The following MAPT variants were observed in gnomAD, a reference collection of about 807,000 sequenced individuals.
MAPT encodes microtubule-associated protein tau.
MAPT carries 34 observed loss-of-function variants against 67.9 expected under a neutral mutation model. The observed-to-expected ratio is 0.50, with a 90% CI of 0.38 to 0.67. The LOEUF is 0.67. Ranked by LOEUF, MAPT falls within the 30% of genes least tolerant of loss-of-function variation. MAPT has a pLI of 0.00. For synonymous variants in MAPT, 456 were observed against 464.5 expected, an observed-to-expected ratio of 0.98 and a Z score of 0.23; for missense variants, 881 against 1,115.2, an observed-to-expected ratio of 0.79 and a Z score of 2.99.
intron 9 of MAPT, among the ~76,000 whole-genome samples, chr17:46,004,172 C>CT (rs1165845593): frequency 6.6e-6 from 1 of 152,038 alleles, no homozygotes; most frequent in African/African-American, 2.4e-5. Context: ...CTGGGCCAGC[C>CT]TGGGAGCCAA....
At chr17:45,974,802 C>T in intron 3 of MAPT, 1 of 376,214 alleles carries the variant, frequency 2.7e-6, no homozygotes, top group Admixed American at 3.8e-5. Flanking sequence ...TTCTTGACAC[C>T]TGAGGTCAGT....
At chr17:45,908,299 A>G (rs1820192393) in intron 1 of MAPT, 1 of 152,236 alleles carries the variant, frequency 6.6e-6, no homozygotes, top group Admixed American at 6.5e-5. Context: ...GGAGGGGTCC[A>G]TGTGGCTAGA....
chr17:45,942,317 C>T lies in MAPT; in HGVS notation c.-17-20004C>T, dbSNP rs559934835. On this transcript the variant is annotated intron_variant, in intron 1 of 12. Coordinates refer to ENST00000262410, the MANE Select transcript of MAPT (RefSeq NM_001377265.1). ...TCTCTAGAGTGTACGTTTCTTCTTC[C>T]TTACAAAGCAGTTGGCTTCGCCCAG... 2.0e-5 allele frequency among the ~76,000 whole-genome samples: 3 copies of T among 152,200 alleles called. No individual in the cohort carries two copies. In the South Asian group the frequency reaches 6.2e-4, roughly 32 times the overall value.
intron 5 of MAPT, among the ~76,000 whole-genome samples, chr17:45,984,171 T>C (rs2073305975): frequency 6.6e-6 from 1 of 152,182 alleles, no homozygotes; most frequent in African/African-American, 2.4e-5. Flanking sequence ...GCACCCCCGC[T>C]CCGTGCTACC....
rs1165957191 is a variant in MAPT at position 46,010,139 on chromosome 17, C to T, written c.1999-171C>T. Among the ~76,000 whole-genome samples the T allele has an allele frequency of 1.3e-5, 2 of 152,196 alleles. No individual in the cohort carries two copies. Among genetic ancestry groups the T allele is most frequent in the African/African-American group, 2.4e-5 (1 of 41,456 alleles). ...GCTCCCCTGGGATGTGACTCAACCT[C>T]CCGTCACTCCCCAGACTGCCTCTGC... On this transcript the variant is annotated intron_variant, in intron 9 of 12. Transcript: ENST00000262410. This position sits in a 1 kb window ranked among gnomAD's most constrained non-coding sequence, Gnocchi z 4.7.
chr17:45,969,543 GTTCATCCATCCATCCA>G (rs895831490), intron 2 of MAPT, among the ~76,000 whole-genome samples: 2 of 145,948 alleles, frequency 1.4e-5, no homozygotes, highest in Non-Finnish European at 1.5e-5. Context: ...TCTTCCCTCG[GTTCATCCATCCATCCA>G]TTCATCCATC....
chr17:45,934,165 C>T (rs544582201), intron 1 of MAPT, among the ~76,000 whole-genome samples: 2 of 152,120 alleles, frequency 1.3e-5, no homozygotes, highest in Non-Finnish European at 2.9e-5. Context: ...AGTTCAAGAC[C>T]TCGTCTGTAC....
intron 2 of MAPT, among the ~76,000 whole-genome samples, chr17:45,964,405 C>T (rs2664006): frequency 0.34 from 49,463 of 143,692 alleles, 9,891 homozygotes; most frequent in East Asian, 0.51. Flanking sequence ...AGAGGCCGGG[C>T]GCGGTGGCTC....
rs1167960424 is a variant in MAPT, at chr17:45,915,917, T to A, written c.-18+21231T>A. On this transcript the variant is annotated intron_variant, in intron 1 of 12. Transcript: ENST00000262410. This position sits in a 1 kb window ranked among gnomAD's most constrained non-coding sequence, Gnocchi z 4.4. ...ACCAGAACACTCTCTTTTCTCTTAG[T>A]GCTTTCACCCAGATGACCACATTTC... 2.0e-5 allele frequency among the ~76,000 whole-genome samples: 3 copies of A among 152,210 alleles called. No individual in the cohort carries two copies. Among genetic ancestry groups the A allele is most frequent in the Non-Finnish European group, 4.4e-5 (3 of 68,034 alleles).
chr17:45,939,198 A>G (rs975098966), intron 1 of MAPT, among the ~76,000 whole-genome samples: 17 of 151,898 alleles, frequency 1.1e-4, no homozygotes, highest in African/African-American at 3.4e-4. Context: ...GGCTCAAGCA[A>G]ACCTCCCACC....
intron 1 of MAPT, among the ~76,000 whole-genome samples, chr17:45,959,264 C>CAATG (rs1030985719): frequency 6.6e-6 from 1 of 152,150 alleles, no homozygotes; most frequent in Non-Finnish European, 1.5e-5. Flanking sequence ...TTGTTACAAC[C>CAATG]AATGAATCCT....
rs1329138806 is a variant in MAPT, at chr17:45,996,448, C to T, written c.1782C>T (p.Ser594=). 70 of 1,612,676 alleles carry T rather than the reference C, an allele frequency of 4.3e-5. No homozygotes were observed. The highest frequency in any genetic ancestry group is 5.9e-5 in the Non-Finnish European group (70 of 1,179,948). Residue 594 remains serine, a synonymous_variant, in exon 9 of 13, where the codon TCC becomes TCT. Transcript: ENST00000262410. The surrounding 1 kb of genome is among the most constrained non-coding windows in gnomAD (Gnocchi z 4.5). ...GCAGCGGCTACAGCAGCCCCGGCTCCCCAGGCACTCCCGGCAGCCGCTCCC... is the reference window on the plus strand; with the variant it reads ...GCAGCGGCTACAGCAGCCCCGGCTCTCCAGGCACTCCCGGCAGCCGCTCCC... ...GDRSGYSSPG[S]PGTPGSRSRT...
chr17:45,994,485 G>A (rs2435200), intron 8 of MAPT, among the ~76,000 whole-genome samples: 60,813 of 151,862 alleles, frequency 0.4, 12,274 homozygotes, highest in East Asian at 0.49. Context: ...AAGAGGCTTC[G>A]TTTGTCCTAT....
At chr17:45,918,218 C>T (rs1297945978) in intron 1 of MAPT, among the ~76,000 whole-genome samples, 2 of 152,236 alleles carry the variant, frequency 1.3e-5, no homozygotes, top group Non-Finnish European at 2.9e-5. Flanking sequence ...CCTGGCTGGT[C>T]TGTTCTTGGC....
At chr17:46,011,978 T>G (rs2075848692) in intron 10 of MAPT, among the ~76,000 whole-genome samples, 1 of 152,170 alleles carries the variant, frequency 6.6e-6, no homozygotes, top group Non-Finnish European at 1.5e-5. Flanking sequence ...CGCCCTGCTC[T>G]CCTGTCCCCC....
At chr17:46,014,138 A>G (rs2076002986) in intron 10 of MAPT, 105 bp from the exon 11 acceptor site, 1 of 740,038 alleles carries the variant, frequency 1.4e-6, no homozygotes, top group Non-Finnish European at 2.4e-6. Context: ...GCTGCTTCTC[A>G]TTGAGTTACA....
At chr17:45,989,767 C>A in intron 6 of MAPT, 111 bp from the exon 7 acceptor site, 1 of 971,220 alleles carries the variant, frequency 1.0e-6, no homozygotes, top group Non-Finnish European at 1.6e-6. Context: ...GAGATCACTG[C>A]TTTCAACCAT....
In MAPT at chr17:46,026,679, T is replaced by C. The variant is rs2076818642; in HGVS notation, c.*2508T>C. ...TGAATTGCCTGTCCTGGATCTGCTC[T>C]AGAGGCCCAAGCTGCCTGCCTGAGG... On this transcript the variant is annotated 3_prime_UTR_variant, in exon 13 of 13. Transcript: ENST00000262410. 6.6e-6 allele frequency: 1 copy of C among 152,424 alleles called. No homozygotes were observed. The highest frequency in any genetic ancestry group is 1.5e-5 in the Non-Finnish European group (1 of 68,240). The allele number at this position is 152,424 out of a possible 1,614,324, so 9.4% of individuals were successfully genotyped here.
chr17:45,968,057 C>G (rs1436208707), intron 2 of MAPT, among the ~76,000 whole-genome samples: 2 of 152,150 alleles, frequency 1.3e-5, no homozygotes, highest in Non-Finnish European at 2.9e-5. Context: ...TTCATCCTGT[C>G]CCCCACTGAG....
Sources: allele counts gnomAD v4.1 joint callset (sites outside exome capture counted in the v4.1 genomes callset), GRCh38; gene constraint gnomAD v4.1.1; non-coding constraint Gnocchi (gnomAD v3.1); transcripts MANE v1.5; gene names NCBI Gene and HGNC (gene_info 2026-07-23, HGNC 2026-07-21).